RFX3: variants seen among roughly 807,000 people sequenced by gnomAD.
The protein encoded by RFX3 is transcription factor RFX3.
Under a neutral mutation model 98.6 loss-of-function variants are expected in RFX3, and 14 were observed. The ratio of observed to expected loss-of-function variants is 0.14; its 90% CI spans 0.09 to 0.22. The LOEUF (loss-of-function observed/expected upper bound fraction) is 0.22. Ranked by LOEUF, RFX3 falls within the 10% of genes least tolerant of loss-of-function variation. The pLI is 1.00. For synonymous variants in RFX3, 383 were observed against 328.4 expected (o/e 1.17, Z -1.80); for missense variants, 639 against 926.9 (o/e 0.69, Z 4.03).
chr9:3,472,572 A>G (rs553922414), intron 1 of RFX3, among the ~76,000 whole-genome samples: 2 of 152,346 alleles, frequency 1.3e-5, no homozygotes, highest in South Asian at 4.1e-4. Flanking sequence ...GTATAATTCC[A>G]ATACAGAATC....
chr9:3,286,299 G>C (rs1302564353), intron 7 of RFX3, among the ~76,000 whole-genome samples: 1 of 151,330 alleles, frequency 6.6e-6, no homozygotes, highest in Non-Finnish European at 1.5e-5. Context: ...AACTCTATGA[G>C]GTACTATCCA....
chr9:3,504,849 T>TAA (rs1564185099), intron 1 of RFX3, among the ~76,000 whole-genome samples: 1 of 28,862 alleles, frequency 3.5e-5, no homozygotes, highest in African/African-American at 1.2e-4. Flanking sequence ...AATATATATA[T>TAA]TATATATGAT....
intron 4 of RFX3, among the ~76,000 whole-genome samples, chr9:3,302,454 G>T (rs150554718): frequency 1.5e-4 from 23 of 151,744 alleles, no homozygotes; most frequent in African/African-American, 5.1e-4. Context: ...TGGTAGTATT[G>T]CATGTTGCAT....
chr9:3,236,641 T>C (rs895869558), intron 15 of RFX3, among the ~76,000 whole-genome samples: 2 of 152,142 alleles, frequency 1.3e-5, no homozygotes, highest in Non-Finnish European at 2.9e-5. Context: ...TGTTATCAGA[T>C]GGCGGAAGTG....
chr9:3,341,484 G>GGA (rs1402445953), intron 3 of RFX3, among the ~76,000 whole-genome samples: 1 of 152,066 alleles, frequency 6.6e-6, no homozygotes, highest in African/African-American at 2.4e-5. Flanking sequence ...ATTGTAATGT[G>GGA]GAGAAGCAAG....
chr9:3,370,452 T>TGAA (rs1004174608), intron 2 of RFX3, among the ~76,000 whole-genome samples: 10 of 151,808 alleles, frequency 6.6e-5, no homozygotes, highest in Non-Finnish European at 1.3e-4. Flanking sequence ...AAATCTTCTA[T>TGAA]GAAGTACATG....
At chr9:3,387,490 T>C (rs142576691) in intron 2 of RFX3, among the ~76,000 whole-genome samples, 20 of 152,290 alleles carry the variant, frequency 1.3e-4, no homozygotes, top group African/African-American at 4.6e-4. Flanking sequence ...GGCCTTAATA[T>C]TGGATTGGCA....
intron 1 of RFX3, among the ~76,000 whole-genome samples, chr9:3,523,037 T>C (rs1818875232): frequency 6.6e-6 from 1 of 152,196 alleles, no homozygotes; most frequent in Non-Finnish European, 1.5e-5. Context: ...TGTGAAACGA[T>C]GCAAAACTTC....
chr9:3,445,043 A>C (rs1845923198), intron 1 of RFX3, among the ~76,000 whole-genome samples: 1 of 152,174 alleles, frequency 6.6e-6, no homozygotes, highest in Non-Finnish European at 1.5e-5. Context: ...ACATTTAATC[A>C]CATTCATGAA....
chr9:3,344,921 G>A (rs1834286193), intron 3 of RFX3: 1 of 686,008 alleles, frequency 1.5e-6, no homozygotes, highest in South Asian at 1.6e-5. Flanking sequence ...TTCACAGTGT[G>A]TCTAAAATAT....
At chr9:3,351,661 G>A (rs988396436) in intron 2 of RFX3, among the ~76,000 whole-genome samples, 2 of 151,590 alleles carry the variant, frequency 1.3e-5, no homozygotes, top group African/African-American at 4.8e-5. Flanking sequence ...TAGGTGGGTG[G>A]GTCACAAAAT....
chr9:3,501,738 G>A (rs981084991), intron 1 of RFX3, among the ~76,000 whole-genome samples: 2 of 151,252 alleles, frequency 1.3e-5, no homozygotes, highest in African/African-American at 2.4e-5. Flanking sequence ...TGTATTTTTA[G>A]TAGAGACAGG....
intron 1 of RFX3, among the ~76,000 whole-genome samples, chr9:3,421,997 C>T (rs6476437): frequency 0.33 from 49,202 of 150,202 alleles, 12,136 homozygotes; most frequent in African/African-American, 0.7. Context: ...GTAAGTGACT[C>T]TTCTAAAAAA....
chr9:3,266,386 C>T (rs1823632979), intron 11 of RFX3, 81 bp from the exon 12 acceptor site: 20 of 827,108 alleles, frequency 2.4e-5, no homozygotes, highest in Non-Finnish European at 1.6e-5. Flanking sequence ...AGAAAATGCT[C>T]GTACACAATA....
rs375726089 is a variant in RFX3 at position 3,387,762 on chromosome 9, C to T, written c.117+7710G>A. Among the ~76,000 whole-genome samples, 21 of 152,016 alleles carry T rather than the reference C, an allele frequency of 1.4e-4. No homozygotes were observed. The South Asian group carries it at 4.4e-3, about 32-fold the overall frequency. Reference sequence around the variant, plus strand: ...AACCAAGCCAATGGGAATCAAGTCCCAAGTAAGAGCAAACCGGAGAAAAAT... The same window carrying T: ...AACCAAGCCAATGGGAATCAAGTCCTAAGTAAGAGCAAACCGGAGAAAAAT... On this transcript the variant is annotated intron_variant, in intron 2 of 16. Transcript: ENST00000617270.
At chr9:3,321,316 T>A (rs955886092) in intron 4 of RFX3, among the ~76,000 whole-genome samples, 1 of 152,194 alleles carries the variant, frequency 6.6e-6, no homozygotes, top group African/African-American at 2.4e-5. Flanking sequence ...ACTGACTGAG[T>A]CAGAGGATAT....
intron 7 of RFX3, among the ~76,000 whole-genome samples, chr9:3,282,347 A>T (rs1200332153): frequency 6.6e-6 from 1 of 151,828 alleles, no homozygotes. Flanking sequence ...TAGGTATTCC[A>T]TCTCTTCCAT....
intron 1 of RFX3, among the ~76,000 whole-genome samples, chr9:3,468,255 G>T (rs150092268): frequency 1.3e-5 from 2 of 152,134 alleles, no homozygotes; most frequent in Non-Finnish European, 2.9e-5. Flanking sequence ...TCTAAAATTT[G>T]TAAGTATCAT....
At chr9:3,510,258 T>C (rs1389072587) in intron 1 of RFX3, among the ~76,000 whole-genome samples, 1 of 151,744 alleles carries the variant, frequency 6.6e-6, no homozygotes, top group Non-Finnish European at 1.5e-5. Flanking sequence ...GATTTGAAGT[T>C]CCAGACCCAA....
Sources: allele counts gnomAD v4.1 joint callset (sites outside exome capture counted in the v4.1 genomes callset), GRCh38; gene constraint gnomAD v4.1.1; transcripts MANE v1.5; gene names NCBI Gene and HGNC (gene_info 2026-07-23, HGNC 2026-07-21).